Variants in MED12L observed in about 807,000 individuals in gnomAD.
MED12L encodes mediator complex subunit 12L.
A neutral mutation model predicts 281.3 loss-of-function variants in MED12L; 60 were observed. The ratio of observed to expected loss-of-function variants is 0.21; its 90% CI spans 0.17 to 0.26. The LOEUF (loss-of-function observed/expected upper bound fraction) is 0.26. Ranked by LOEUF, MED12L falls within the 10% of genes least tolerant of loss-of-function variation. The pLI is 1.00. For missense variants in MED12L, 2,146 were observed against 2,680.9 expected (o/e 0.80, Z 4.41); for synonymous variants, 974 against 987.2 (o/e 0.99, Z 0.25).
intron 16 of MED12L, chr3:151,270,211 G>GTGTGTGTA (rs1740657458): frequency 6.5e-6 from 1 of 154,412 alleles, no homozygotes; most frequent in African/African-American, 2.5e-5. Context: ...GTGTGTGTGT[G>GTGTGTGTA]TGTGTGTGTG....
chr3:151,302,176 G>A (rs887647867), intron 16 of MED12L, among the ~76,000 whole-genome samples: 5 of 152,198 alleles, frequency 3.3e-5, no homozygotes, highest in Non-Finnish European at 7.4e-5. Flanking sequence ...TCCAGGAAAG[G>A]CAAATCTGTA....
At chr3:151,396,890 A>T (rs543618787) in intron 39 of MED12L, among the ~76,000 whole-genome samples, 5 of 152,304 alleles carry the variant, frequency 3.3e-5, no homozygotes, top group Middle Eastern at 3.4e-3. Flanking sequence ...TCAGCTAGAA[A>T]TTTTTTTAAA....
rs112540145 is a variant in MED12L at position 151,427,718 on chromosome 3, G to A, written c.6409-2581G>A. Among the ~76,000 whole-genome samples, 1,383 of 152,270 alleles carry A rather than the reference G, an allele frequency of 9.1e-3. 20 individuals carry two copies. Among genetic ancestry groups the A allele is most frequent in the African/African-American group, 0.032 (1,339 of 41,540 alleles). ...TTGGAAGCTGGTATTTTCAATCATG[G>A]ATAGGCTTGAGGGGAATGTAGTGGT... On this transcript the variant is annotated intron_variant, in intron 43 of 44. Transcript: ENST00000687756.
intron 43 of MED12L, 50 bp from the exon 44 acceptor site, chr3:151,430,249 T>C (rs980382753): frequency 6.2e-7 from 1 of 1,611,394 alleles, no homozygotes; most frequent in Admixed American, 1.7e-5. Context: ...TTCTTGTCTG[T>C]GATTGGCACC....
intron 16 of MED12L, chr3:151,261,538 A>G (rs1322575576): frequency 2.0e-5 from 3 of 151,780 alleles, no homozygotes; most frequent in Non-Finnish European, 4.4e-5. Context: ...TGCCCACATA[A>G]CTCCTTAAGC....
chr3:151,092,753 T>C (rs935859578), intron 2 of MED12L, among the ~76,000 whole-genome samples: 1 of 152,178 alleles, frequency 6.6e-6, no homozygotes, highest in Non-Finnish European at 1.5e-5. Context: ...GCAAGGGAGA[T>C]ACTTCATTTC....
At chr3:151,409,932 C>T (rs1361645728) in intron 40 of MED12L, among the ~76,000 whole-genome samples, 2 of 152,072 alleles carry the variant, frequency 1.3e-5, no homozygotes, top group Non-Finnish European at 2.9e-5. Flanking sequence ...TTGCCTTGGG[C>T]AACAGAGCAA....
At chr3:151,207,401 GCTCCAGA>G (rs1427211563) in intron 16 of MED12L, among the ~76,000 whole-genome samples, 1 of 152,128 alleles carries the variant, frequency 6.6e-6, no homozygotes, top group Admixed American at 6.6e-5. Context: ...GTATTGTAAT[GCTCCAGA>G]CTGTGGTGGG....
Position 151,432,945 on chromosome 3 carries a change from A to C in MED12L, c.*141A>C, listed in dbSNP as rs1719700243. ...TATATTTTATGCTACATCTCACAAA[A>C]AAAAAAAAAGGTGTTTAAACAAAAA... On this transcript the variant is annotated 3_prime_UTR_variant, in exon 45 of 45. Transcript: ENST00000687756. 5.0e-6 allele frequency: 3 copies of C among 600,790 alleles called. No individual in the cohort carries two copies. Among genetic ancestry groups the C allele is most frequent in the Non-Finnish European group, 5.5e-6 (2 of 366,190 alleles). 37.2% of individuals were successfully genotyped at this position (600,790 alleles called of 1,614,324 possible).
intron 43 of MED12L, among the ~76,000 whole-genome samples, chr3:151,418,261 T>C (rs776158326): frequency 1.3e-5 from 2 of 152,246 alleles, no homozygotes; most frequent in African/African-American, 4.8e-5. Flanking sequence ...GATATTCTTT[T>C]ATAAAAACTG....
Position 151,086,862 on chromosome 3 carries a change from T to C in MED12L, c.-65T>C. The C allele has an allele frequency of 7.5e-7, 1 of 1,331,346 alleles. No homozygotes were observed. Among genetic ancestry groups the C allele is most frequent in the Non-Finnish European group, 1.0e-6 (1 of 963,360 alleles). 82.5% of individuals were successfully genotyped at this position (1,331,346 alleles called of 1,614,324 possible). ...AGTCTGTCTGCAAAGTGCTGCTCCC[T>C]GGTGCTCAGAGGCGGCTGCTCCAGC... On this transcript the variant is annotated 5_prime_UTR_variant, in exon 2 of 45. Coordinates refer to ENST00000687756, the MANE Select transcript of MED12L (RefSeq NM_001393769.1).
intron 16 of MED12L, among the ~76,000 whole-genome samples, chr3:151,306,182 C>A (rs192610839): frequency 9.8e-5 from 15 of 152,338 alleles, no homozygotes; most frequent in Middle Eastern, 6.8e-3. Context: ...TTCCCTTCTT[C>A]TGTGTCTCTC....
chr3:151,353,629 TGTTGAAAGAGAA>T (rs1054960358), intron 17 of MED12L, among the ~76,000 whole-genome samples: 2 of 152,244 alleles, frequency 1.3e-5, no homozygotes, highest in African/African-American at 4.8e-5. Context: ...AATTGCTTAT[TGTTGAAAGAGAA>T]GTCTCTTTTA....
intron 16 of MED12L, among the ~76,000 whole-genome samples, chr3:151,271,484 A>G (rs1740935316): frequency 1.3e-5 from 2 of 152,226 alleles, no homozygotes; most frequent in South Asian, 4.1e-4. Flanking sequence ...CTTGTGACCT[A>G]GTAATTTCAC....
chr3:151,410,959 G>A (rs912438086), intron 40 of MED12L, among the ~76,000 whole-genome samples: 7 of 152,138 alleles, frequency 4.6e-5, no homozygotes, highest in Admixed American at 2.6e-4. Context: ...ATGCTTGCCT[G>A]ATTGTTTCTA....
At position 151,413,182 on chromosome 3, in the gene MED12L, G is replaced by A. The variant is rs1468092082; in HGVS notation, c.6184G>A (p.Gly2062Arg). ...ACAGCAGAGCCCTCTGGTGGGCGGGGGAATTGATGCTGTGCTGACTTCTGC... is the reference window on the plus strand; with the variant it reads ...ACAGCAGAGCCCTCTGGTGGGCGGGAGAATTGATGCTGTGCTGACTTCTGC... ...ALQQSPLVGG[G>R]IDAVLTSAHP... is the part of the protein sequence containing the mutation. The change falls in exon 42 of 45, where the codon GGA (glycine) becomes AGA (arginine). Residue 2062 changes from glycine (G) to arginine (R), a missense_variant. Gly to Arg is a moderately radical substitution (Grantham distance 125, BLOSUM62 -2). Around this residue, in one of 9 missense-constraint regions of MED12L, gnomAD observed 496 missense variants for 512.0 expected, o/e 0.97. Transcript: ENST00000687756. 21 of 1,613,898 alleles carry A rather than the reference G, an allele frequency of 1.3e-5. No homozygotes were observed. The highest frequency in any genetic ancestry group is 1.8e-5 in the Non-Finnish European group (21 of 1,179,966).
chr3:151,247,373 A>C (rs544639930), intron 16 of MED12L, among the ~76,000 whole-genome samples: 89 of 152,248 alleles, frequency 5.8e-4, no homozygotes, highest in South Asian at 1.0e-3. Context: ...CAAATGTCCA[A>C]CAATGATAGA....
intron 38 of MED12L, 44 bp downstream of exon 38, chr3:151,390,179 C>T (rs746674474): frequency 2.1e-5 from 33 of 1,585,098 alleles, no homozygotes; most frequent in Non-Finnish European, 2.8e-5. Context: ...TGAGAAACAG[C>T]TTGTGGTTCT....
intron 1 of MED12L, 68 bp from the exon 2 acceptor site, chr3:151,086,729 TC>T: frequency 2.0e-6 from 1 of 501,680 alleles, no homozygotes; most frequent in Non-Finnish European, 3.6e-6. Context: ...CCGAAGGCTG[TC>T]CCCATCAGTG....
Sources: allele counts gnomAD v4.1 joint callset (sites outside exome capture counted in the v4.1 genomes callset), GRCh38; gene constraint gnomAD v4.1.1; regional missense constraint gnomAD v4.1.1; transcripts MANE v1.5; gene names NCBI Gene and HGNC (gene_info 2026-07-23, HGNC 2026-07-21).